The following RPL30 variants were observed in gnomAD, a reference collection of about 807,000 sequenced individuals.
RPL30 encodes large ribosomal subunit protein eL30.
For missense variants in RPL30, 60 were observed against 138.0 expected (o/e 0.43, Z 2.83); for synonymous variants, 40 against 50.4 (o/e 0.79, Z 0.87).
intron 2 of RPL30, 125 bp from the exon 3 acceptor site, chr8:98,045,213 G>A: frequency 6.5e-6 from 10 of 1,534,424 alleles, no homozygotes; most frequent in Non-Finnish European, 8.9e-6. Context: ...CATTGAGAGG[G>A]CCACTGGGAT....
intron 3 of RPL30, 186 bp downstream of exon 3, chr8:98,044,749 AGCTCACAG>A (rs1814444907): frequency 5.3e-6 from 3 of 566,148 alleles, no homozygotes; most frequent in Non-Finnish European, 6.2e-6. Context: ...TCCAAAAATA[AGCTCACAG>A]AAGGGGAGCA....
intron 2 of RPL30, 73 bp downstream of exon 2, chr8:98,045,274 C>T: frequency 6.2e-7 from 1 of 1,604,024 alleles, no homozygotes; most frequent in Non-Finnish European, 8.5e-7. Flanking sequence ...CCCCCGTGGG[C>T]TCACATCTGC....
intron 1 of RPL30, 39 bp from the exon 2 acceptor site, chr8:98,045,438 C>T: frequency 1.3e-6 from 2 of 1,598,178 alleles, no homozygotes; most frequent in Non-Finnish European, 1.7e-6. Context: ...TTTTAGGATC[C>T]GGAGTTACAA....
At chr8:98,044,702 TTC>T (rs1554618535) in intron 3 of RPL30, 3 of 476,544 alleles carry the variant, frequency 6.3e-6, no homozygotes, top group Non-Finnish European at 1.1e-5. Flanking sequence ...AACCTCGATG[TTC>T]TGTTTTCACT....
chr8:98,045,287 G>A (rs1814455703), intron 2 of RPL30, 60 bp downstream of exon 2: 5 of 1,611,206 alleles, frequency 3.1e-6, no homozygotes, highest in Non-Finnish European at 3.4e-6. Context: ...ACATCTGCCC[G>A]CCCTGGCCAA....
rs1297935855 is a variant in RPL30, at chr8:98,045,496, G to A, written c.-33+12C>T. The A allele has an allele frequency of 4.0e-6, 4 of 1,011,228 alleles. No individual in the cohort carries two copies. Among genetic ancestry groups the A allele is most frequent in the African/African-American group, 3.2e-5 (2 of 62,810 alleles). The allele number at this position is 1,011,228 out of a possible 1,614,324, so 62.6% of individuals were successfully genotyped here. On this transcript the variant is annotated intron_variant, in intron 1 of 4. Transcript: ENST00000287038. Reference sequence around the variant, plus strand: ...GCGCTGCCTAAACCTCGGTCGGTAGGAGCCCACTCACCAACAGCAGCCGCT... The same window carrying A: ...GCGCTGCCTAAACCTCGGTCGGTAGAAGCCCACTCACCAACAGCAGCCGCT...
Position 98,045,460 on chromosome 8 carries a change from C to T in RPL30, c.-33+48G>A, listed in dbSNP as rs112468901. On this transcript the variant is annotated intron_variant, in intron 1 of 4. Coordinates refer to ENST00000287038, the MANE Select transcript of RPL30 (RefSeq NM_000989.4). ...ATCCGGAGTTACAAATGGCAACCCGCAAAGCTCCCCGCGCTGCCTAAACCT... is the reference window on the plus strand; with the variant it reads ...ATCCGGAGTTACAAATGGCAACCCGTAAAGCTCCCCGCGCTGCCTAAACCT... The T allele has an allele frequency of 1.7e-5, 26 of 1,501,718 alleles. No homozygotes were observed. The African/African-American group carries it at 2.5e-4, about 14-fold the overall frequency. 93.0% of individuals were successfully genotyped at this position (1,501,718 alleles called of 1,614,324 possible). A position where few individuals can be genotyped will look rare whatever the true frequency, so the allele number is the denominator to read the frequency against.
At chr8:98,045,149 A>G (rs1303225283) in intron 2 of RPL30, 61 bp from the exon 3 acceptor site, 1 of 1,583,116 alleles carries the variant, frequency 6.3e-7, no homozygotes, top group African/African-American at 1.4e-5. Context: ...TCAAAACCGG[A>G]CCCAGCTTTT....
chr8:98,043,108 C>T (rs755397991), intron 3 of RPL30: 1 of 167,524 alleles, frequency 6.0e-6, no homozygotes, highest in African/African-American at 2.4e-5. Context: ...ATTTCCATGA[C>T]AATCTCTAAA....
At chr8:98,045,150 C>T in intron 2 of RPL30, 62 bp from the exon 3 acceptor site, 1 of 1,582,104 alleles carries the variant, frequency 6.3e-7, no homozygotes, top group Non-Finnish European at 8.6e-7. Flanking sequence ...CAAAACCGGA[C>T]CCAGCTTTTT....
intron 4 of RPL30, chr8:98,042,132 T>G (rs780459653): frequency 1.6e-6 from 1 of 625,034 alleles, no homozygotes; most frequent in Non-Finnish European, 3.0e-6. Flanking sequence ...AAGAACTAGG[T>G]TTGGGGACAC....
chr8:98,045,160 T>C, intron 2 of RPL30, 72 bp from the exon 3 acceptor site: 2 of 1,576,754 alleles, frequency 1.3e-6, no homozygotes, highest in Middle Eastern at 1.7e-4. Flanking sequence ...CCCAGCTTTT[T>C]GAAGCCGAGC....
At chr8:98,041,908 C>T in intron 4 of RPL30, 58 bp from the exon 5 acceptor site, 1 of 1,244,982 alleles carries the variant, frequency 8.0e-7, no homozygotes, top group South Asian at 1.3e-5. Context: ...GCAACTGGTA[C>T]CATAAAATTT....
intron 3 of RPL30, 90 bp from the exon 4 acceptor site, chr8:98,042,865 T>C: frequency 8.0e-7 from 1 of 1,254,904 alleles, no homozygotes; most frequent in Non-Finnish European, 1.1e-6. Context: ...GTGTTAATGT[T>C]GTTAAGGCCT....
rs1814448975 is a variant in RPL30, at chr8:98,044,924, G to GT, written c.167+18dup. On this transcript the variant is annotated intron_variant, in intron 3 of 4. Transcript: ENST00000287038. ...GATGAATTCGCGGTAGGCGAAGCCCGTTCAGTCTCTTCGATTACCTCAAAG... is the reference window on the plus strand; with the variant it reads ...GATGAATTCGCGGTAGGCGAAGCCCGTTTCAGTCTCTTCGATTACCTCAAAG... 3 of 1,610,398 alleles carry GT rather than the reference G, an allele frequency of 1.9e-6. No individual in the cohort carries two copies. Among genetic ancestry groups the GT allele is most frequent in the Non-Finnish European group, 2.5e-6 (3 of 1,178,982 alleles).
At chr8:98,042,130 G>A in intron 4 of RPL30, 1 of 626,982 alleles carries the variant, frequency 1.6e-6, no homozygotes, top group Non-Finnish European at 3.0e-6. Context: ...GAAAGAACTA[G>A]GTTTGGGGAC....
At chr8:98,044,031 AC>A (rs1455842738) in intron 3 of RPL30, 2 of 152,254 alleles carry the variant, frequency 1.3e-5, no homozygotes, top group Non-Finnish European at 2.9e-5. Flanking sequence ...AATTGCTTGA[AC>A]CTGGGAGGCA....
chr8:98,042,664 T>G lies in RPL30; in HGVS notation c.279A>C (p.Thr93=), dbSNP rs1814400202. The G allele has an allele frequency of 6.2e-7, 1 of 1,610,860 alleles. No individual in the cohort carries two copies. The highest frequency in any genetic ancestry group is 1.3e-5 in the African/African-American group (1 of 74,664). The part of the protein sequence containing the change: ...TACGKYYRVC[T]LAIIDPGDSD... ...GCATACCTGGATCAATGATAGCCAG[T>G]GTGCACACTCTGTAGTATTTTCCGC... The change falls in exon 4 of 5, where the codon ACA becomes ACC. Residue 93 remains threonine (T), a synonymous_variant. Coordinates refer to ENST00000287038, the MANE Select transcript of RPL30 (RefSeq NM_000989.4).
chr8:98,042,124 G>A (rs1402198432), intron 4 of RPL30: 13 of 634,342 alleles, frequency 2.0e-5, no homozygotes, highest in Admixed American at 1.8e-5. Context: ...CCTAGGGAAA[G>A]AACTAGGTTT....
Sources: allele counts gnomAD v4.1 joint callset, GRCh38; gene constraint gnomAD v4.1.1; transcripts MANE v1.5; gene names NCBI Gene and HGNC (gene_info 2026-07-23, HGNC 2026-07-21).